HNF4G: variants seen among roughly 807,000 people sequenced by gnomAD.
HNF4G encodes the protein hepatocyte nuclear factor 4-gamma.
HNF4G carries 21 observed loss-of-function variants against 50.9 expected under a neutral mutation model. That is an observed-to-expected ratio of 0.41 (90% CI 0.29 to 0.59). The LOEUF (loss-of-function observed/expected upper bound fraction) is 0.59. HNF4G is among the 20% of genes least tolerant of loss of function. The probability of loss-of-function intolerance (pLI) is 0.26; values close to 1 mark genes in which losing one functional copy is unlikely to be tolerated. For missense variants in HNF4G, 527 were observed against 559.4 expected, an observed-to-expected ratio of 0.94 and a Z score of 0.58; for synonymous variants, 198 against 185.6, an observed-to-expected ratio of 1.07 and a Z score of -0.54.
In HNF4G at chr8:75,560,454, G is replaced by T; in HGVS notation, c.1234G>T (p.Ala412Ser). Residue 412 changes from alanine to serine, a missense_variant, in exon 9 of 10, where the codon GCA (alanine) becomes TCA (serine). Coordinates refer to ENST00000396423, the MANE Select transcript of HNF4G (RefSeq NM_004133.5). ...LLGPMSTLVH[A>S]DQISTPETPL... ...AGGTCCCATGTCAACACTGGTTCATGCAGACCAGATCTGTAAGTTTATAGA... is the reference window on the plus strand; with the variant it reads ...AGGTCCCATGTCAACACTGGTTCATTCAGACCAGATCTGTAAGTTTATAGA... 1.2e-6 allele frequency: 2 copies of T among 1,612,458 alleles called. No homozygotes were observed. The highest frequency in any genetic ancestry group is 1.7e-6 in the Non-Finnish European group (2 of 1,179,068).
At chr8:75,449,490 AAT>A in intron 1 of HNF4G, among the ~76,000 whole-genome samples, 1 of 145,926 alleles carries the variant, frequency 6.9e-6, no homozygotes. Context: ...TTATCTCAGT[AAT>A]ATATATATAT....
intron 1 of HNF4G, among the ~76,000 whole-genome samples, chr8:75,479,243 A>T (rs959621387): frequency 6.6e-6 from 1 of 152,218 alleles, no homozygotes; most frequent in Non-Finnish European, 1.5e-5. Context: ...CTAAAGGAAT[A>T]AAAAACAATT....
At chr8:75,524,829 G>C (rs1386834695) in intron 2 of HNF4G, among the ~76,000 whole-genome samples, 1 of 152,188 alleles carries the variant, frequency 6.6e-6, no homozygotes. Flanking sequence ...TGTTTGTTAA[G>C]AATATAAGTG....
intron 9 of HNF4G, among the ~76,000 whole-genome samples, chr8:75,563,033 G>C (rs1807358618): frequency 6.6e-6 from 1 of 152,092 alleles, no homozygotes; most frequent in Admixed American, 6.6e-5. Context: ...ATGTATTAAT[G>C]AACACCAGGT....
intron 1 of HNF4G, among the ~76,000 whole-genome samples, chr8:75,454,281 T>G (rs1186790089): frequency 6.6e-6 from 1 of 152,168 alleles, no homozygotes; most frequent in East Asian, 1.9e-4. Context: ...AAAATTCTGT[T>G]GTTTAAACCA....
At chr8:75,508,709 G>A (rs751570212) in intron 2 of HNF4G, among the ~76,000 whole-genome samples, 6 of 152,154 alleles carry the variant, frequency 3.9e-5, no homozygotes, top group Admixed American at 1.3e-4. Flanking sequence ...GACAGGAGCC[G>A]TAACCACGTA....
chr8:75,460,555 C>A (rs1380408850), intron 1 of HNF4G, among the ~76,000 whole-genome samples: 1 of 152,112 alleles, frequency 6.6e-6, no homozygotes, highest in African/African-American at 2.4e-5. Context: ...AGAGTTCTTG[C>A]CTTCATTCTT....
At chr8:75,443,833 G>A (rs551415728) in intron 1 of HNF4G, among the ~76,000 whole-genome samples, 3 of 152,122 alleles carry the variant, frequency 2.0e-5, no homozygotes, top group African/African-American at 7.2e-5. Context: ...AATTTAAAAA[G>A]TCATCCCCCT....
At position 75,513,716 on chromosome 8, in the gene HNF4G, T is replaced by C. The variant is rs184046824; in HGVS notation, c.-24+23508T>C. On this transcript the variant is annotated intron_variant, in intron 2 of 10. Coordinates refer to the HNF4G transcript ENST00000354370. ...TTGAGACTAAATTTTTCTCCAACTA[T>C]AGTTGTTTTATGCAAAAGATTTTTT... Among the ~76,000 whole-genome samples, 593 of 152,122 alleles carry C rather than the reference T, an allele frequency of 3.9e-3. 1 individual carries two copies. Among genetic ancestry groups the C allele is most frequent in the African/African-American group, 0.013 (558 of 41,576 alleles).
At chr8:75,478,416 T>C (rs1210551016) in intron 1 of HNF4G, among the ~76,000 whole-genome samples, 1 of 152,238 alleles carries the variant, frequency 6.6e-6, no homozygotes, top group East Asian at 1.9e-4. Context: ...CCTGTTGTTT[T>C]ACGGATTCTA....
intron 2 of HNF4G, among the ~76,000 whole-genome samples, chr8:75,505,734 A>T (rs1156749528): frequency 1.3e-5 from 2 of 151,942 alleles, no homozygotes; most frequent in African/African-American, 4.8e-5. Flanking sequence ...ATATTCGGGA[A>T]TTCTTGACAC....
At chr8:75,453,891 T>C (rs1811650748) in intron 1 of HNF4G, among the ~76,000 whole-genome samples, 1 of 152,180 alleles carries the variant, frequency 6.6e-6, no homozygotes, top group Non-Finnish European at 1.5e-5. Context: ...GTTAAAATCC[T>C]TCCCAAATTT....
intron 6 of HNF4G, among the ~76,000 whole-genome samples, chr8:75,556,733 T>C (rs1807140058): frequency 6.6e-6 from 1 of 152,194 alleles, no homozygotes; most frequent in African/African-American, 2.4e-5. Context: ...TACCTCTCTC[T>C]GGCATGTGTG....
At chr8:75,456,489 G>A (rs997711727) in intron 1 of HNF4G, among the ~76,000 whole-genome samples, 7 of 151,980 alleles carry the variant, frequency 4.6e-5, no homozygotes, top group African/African-American at 1.4e-4. Context: ...GGATCACTTA[G>A]TTTTCATTTC....
intron 2 of HNF4G, among the ~76,000 whole-genome samples, chr8:75,507,740 A>G (rs558382223): frequency 6.6e-6 from 1 of 152,352 alleles, no homozygotes; most frequent in South Asian, 2.1e-4. Context: ...TTGTTCAAAA[A>G]GAATTAATTC....
intron 4 of HNF4G, among the ~76,000 whole-genome samples, chr8:75,552,700 T>C (rs1806994420): frequency 6.6e-6 from 1 of 152,154 alleles, no homozygotes; most frequent in Admixed American, 6.5e-5. Flanking sequence ...ATATGGATAC[T>C]ATCTATCTAT....
intron 1 of HNF4G, among the ~76,000 whole-genome samples, chr8:75,430,888 G>A (rs1811001426): frequency 6.6e-6 from 1 of 152,108 alleles, no homozygotes. Flanking sequence ...TGGAGAAGTA[G>A]ATTACGAAGA....
intron 5 of HNF4G, among the ~76,000 whole-genome samples, chr8:75,554,670 TAAAAA>T (rs1807063214): frequency 6.6e-6 from 1 of 152,136 alleles, no homozygotes; most frequent in Admixed American, 6.6e-5. Flanking sequence ...TATTTAGCAG[TAAAAA>T]TACAGATTTC....
At chr8:75,499,185 G>A (rs866069836) in intron 2 of HNF4G, among the ~76,000 whole-genome samples, 43 of 152,078 alleles carry the variant, frequency 2.8e-4, no homozygotes, top group African/African-American at 8.4e-4. Context: ...CAGGGTTATA[G>A]GATAGATACA....
Sources: gnomAD v4.1 joint callset for allele counts (sites outside exome capture counted in the v4.1 genomes callset) on GRCh38, gnomAD v4.1.1 for gene constraint, MANE v1.5 for transcripts, NCBI Gene and HGNC (gene_info 2026-07-23, HGNC 2026-07-21) for gene names.